The following ANO2 variants were observed in gnomAD, a reference collection of about 807,000 sequenced individuals.
ANO2 encodes anoctamin 2, also known as anoctamin-2.
ANO2 carries 101 observed loss-of-function variants against 124.2 expected under a neutral mutation model. The ratio of observed to expected loss-of-function variants is 0.81; its 90% confidence interval spans 0.69 to 0.96. ANO2 has a LOEUF of 0.96. Among genes scored for constraint, ANO2 ranks in the 40% least tolerant of loss-of-function variants. ANO2 has a pLI of 0.00. For missense variants in ANO2, 1,293 were observed against 1,274.5 expected (o/e 1.01, Z -0.22); for synonymous variants, 486 against 482.5 (o/e 1.01, Z -0.09).
At chr12:5,814,723 C>T (rs188665135) in intron 7 of ANO2, among the ~76,000 whole-genome samples, 26 of 152,336 alleles carry the variant, frequency 1.7e-4, no homozygotes, top group Admixed American at 1.0e-3. Flanking sequence ...TCAGTAAATA[C>T]GTGTTGAATG....
chr12:5,622,619 C>T (rs1451365348), intron 16 of ANO2, among the ~76,000 whole-genome samples: 1 of 152,112 alleles, frequency 6.6e-6, no homozygotes, highest in African/African-American at 2.4e-5. Flanking sequence ...TTTTGGATCT[C>T]TCTCACAAGC....
intron 7 of ANO2, among the ~76,000 whole-genome samples, chr12:5,824,695 CT>C (rs1953903362): frequency 6.6e-6 from 1 of 152,180 alleles, no homozygotes; most frequent in Non-Finnish European, 1.5e-5. Flanking sequence ...TTTGGGGTAT[CT>C]TTTCAGCAAT....
intron 14 of ANO2, among the ~76,000 whole-genome samples, chr12:5,657,645 C>G (rs1283715148): frequency 6.6e-6 from 1 of 152,046 alleles, no homozygotes; most frequent in Non-Finnish European, 1.5e-5. Context: ...GGAGGAGGTA[C>G]AAGTGGCCAT....
At chr12:5,784,905 G>A (rs1004865284) in intron 10 of ANO2, among the ~76,000 whole-genome samples, 2 of 152,160 alleles carry the variant, frequency 1.3e-5, no homozygotes, top group Non-Finnish European at 2.9e-5. Flanking sequence ...TTTGCTCATT[G>A]CTTGAAGTCT....
intron 20 of ANO2, among the ~76,000 whole-genome samples, chr12:5,580,604 C>A (rs2136846818): frequency 6.6e-6 from 1 of 152,248 alleles, no homozygotes; most frequent in Admixed American, 6.5e-5. Flanking sequence ...CTTAGACAAG[C>A]TTCGTGAGTC....
At chr12:5,729,780 G>A (rs1350285212) in intron 14 of ANO2, among the ~76,000 whole-genome samples, 2 of 150,624 alleles carry the variant, frequency 1.3e-5, no homozygotes, top group South Asian at 2.1e-4. Flanking sequence ...CAACTGCATC[G>A]ATAAATAAAA....
intron 3 of ANO2, among the ~76,000 whole-genome samples, chr12:5,918,957 G>A (rs1265627711): frequency 6.6e-6 from 1 of 152,142 alleles, no homozygotes; most frequent in African/African-American, 2.4e-5. Flanking sequence ...GTTCAGGGAG[G>A]TCACTCATAT....
At chr12:5,797,397 G>A (rs970390772) in intron 10 of ANO2, among the ~76,000 whole-genome samples, 1 of 152,236 alleles carries the variant, frequency 6.6e-6, no homozygotes, top group Non-Finnish European at 1.5e-5. Flanking sequence ...TGATGAAGAA[G>A]AGGAAGGAGA....
At chr12:5,926,972 C>T (rs961196748) in intron 1 of ANO2, among the ~76,000 whole-genome samples, 1 of 152,188 alleles carries the variant, frequency 6.6e-6, no homozygotes, top group South Asian at 2.1e-4. Flanking sequence ...ATTAACATTC[C>T]TTGGAAGTAC....
chr12:5,588,066 G>C (rs1278740126), intron 20 of ANO2, among the ~76,000 whole-genome samples: 1 of 152,160 alleles, frequency 6.6e-6, no homozygotes, highest in African/African-American at 2.4e-5. Context: ...TGACAGCTGA[G>C]AGCTGGGCCG....
chr12:5,647,648 G>T, intron 15 of ANO2, 79 bp downstream of exon 15: 2 of 1,132,048 alleles, frequency 1.8e-6, no homozygotes, highest in South Asian at 1.3e-5. Flanking sequence ...TTCCATAGCA[G>T]AATATAATAC....
intron 20 of ANO2, among the ~76,000 whole-genome samples, chr12:5,591,264 A>C (rs1943381860): frequency 6.6e-6 from 1 of 152,232 alleles, no homozygotes; most frequent in South Asian, 2.1e-4. Flanking sequence ...AATGTAGTAC[A>C]GGTGCTTACA....
intron 12 of ANO2, among the ~76,000 whole-genome samples, chr12:5,742,660 G>A (rs1359508916): frequency 6.6e-6 from 1 of 152,216 alleles, no homozygotes; most frequent in African/African-American, 2.4e-5. Flanking sequence ...TATAGACCTG[G>A]AGTTATTAGG....
intron 11 of ANO2, among the ~76,000 whole-genome samples, chr12:5,745,605 C>A (rs532573752): frequency 9.5e-4 from 144 of 152,262 alleles, no homozygotes; most frequent in African/African-American, 3.1e-3. Flanking sequence ...TGAAGGGTGG[C>A]AGATTTACTG....
At chr12:5,831,524 G>A (rs1173069789) in intron 5 of ANO2, among the ~76,000 whole-genome samples, 1 of 152,194 alleles carries the variant, frequency 6.6e-6, no homozygotes, top group African/African-American at 2.4e-5. Flanking sequence ...AGGGCGGTAT[G>A]ACCCTGGATG....
rs182732006 is a variant in ANO2, at chr12:5,748,020, G to A, written c.1190+2816C>T. On this transcript the variant is annotated intron_variant, in intron 11 of 24. Transcript: ENST00000682330. ...CATGAGTGTGTGTGAATGTGGCTGC[G>A]TGCATCTGTGTGCAGACATCTATCT... 1.1e-4 allele frequency among the ~76,000 whole-genome samples: 17 copies of A among 152,178 alleles called. No individual in the cohort carries two copies. In the South Asian group the frequency reaches 2.7e-3, roughly 24 times the overall value.
chr12:5,770,273 A>G (rs539867933), intron 10 of ANO2, among the ~76,000 whole-genome samples: 9 of 152,268 alleles, frequency 5.9e-5, no homozygotes, highest in African/African-American at 2.2e-4. Context: ...AACCACAGAA[A>G]AGCAAAGTGA....
chr12:5,888,552 G>C (rs1565751967), intron 3 of ANO2, among the ~76,000 whole-genome samples: 3 of 152,146 alleles, frequency 2.0e-5, no homozygotes, highest in Non-Finnish European at 2.9e-5. Flanking sequence ...TGACTGGTGT[G>C]TTTACAATCC....
intron 14 of ANO2, among the ~76,000 whole-genome samples, chr12:5,671,616 C>A (rs1948009474): frequency 6.6e-6 from 1 of 152,146 alleles, no homozygotes; most frequent in Admixed American, 6.5e-5. Flanking sequence ...TAGGGACATG[C>A]CCATCTGCAG....
Sources: allele counts gnomAD v4.1 joint callset (sites outside exome capture counted in the v4.1 genomes callset), GRCh38; gene constraint gnomAD v4.1.1; transcripts MANE v1.5; gene names NCBI Gene and HGNC (gene_info 2026-07-23, HGNC 2026-07-21).